Variants in TENM2 observed in about 807,000 individuals in gnomAD.
The protein encoded by TENM2 is teneurin-2.
In TENM2, 52 loss-of-function variants were observed where a neutral mutation model predicts 245.2. That is an observed-to-expected ratio of 0.21 (90% CI 0.17 to 0.27). The LOEUF is 0.27. Ranked by LOEUF, TENM2 falls within the 10% of genes least tolerant of loss-of-function variation. TENM2 has a pLI of 1.00. For missense variants in TENM2, 3,046 were observed against 3,666.8 expected (o/e 0.83, Z 4.37); for synonymous variants, 1,363 against 1,438.9 (o/e 0.95, Z 1.19).
chr5:168,243,240 T>C (rs1420954166), intron 25 of TENM2, among the ~76,000 whole-genome samples: 1 of 152,204 alleles, frequency 6.6e-6, no homozygotes, highest in Non-Finnish European at 1.5e-5. Flanking sequence ...CCCTCTCCTT[T>C]GCCCCTCACC....
chr5:167,249,306 G>T, the TENM2 span, among the ~76,000 whole-genome samples: 2 of 152,080 alleles, frequency 1.3e-5, no homozygotes, highest in Non-Finnish European at 2.9e-5. Context: ...TTCAGAAAAG[G>T]CTGCATATAA....
At chr5:167,671,414 A>G (rs1375926416) in intron 2 of TENM2, among the ~76,000 whole-genome samples, 2 of 152,142 alleles carry the variant, frequency 1.3e-5, no homozygotes, top group African/African-American at 4.8e-5. Context: ...TTTCTCGGGC[A>G]TAGCTGAAGT....
intron 1 of TENM2, among the ~76,000 whole-genome samples, chr5:167,321,568 C>T (rs1756723753): frequency 6.6e-6 from 1 of 152,072 alleles, no homozygotes; most frequent in Admixed American, 6.6e-5. Context: ...ACAACTTGCC[C>T]CTTGTTTCCA....
intron 1 of TENM2, among the ~76,000 whole-genome samples, chr5:167,361,266 A>AT (rs1232708490): frequency 1.3e-5 from 2 of 152,226 alleles, no homozygotes; most frequent in Admixed American, 6.5e-5. Context: ...ATCACTTGTA[A>AT]TTAACGAGTG....
intron 2 of TENM2, among the ~76,000 whole-genome samples, chr5:167,730,001 G>A (rs527292015): frequency 7.2e-5 from 11 of 152,202 alleles, no homozygotes; most frequent in South Asian, 2.1e-4. Flanking sequence ...GAATTATTGC[G>A]TCTCCTTGAT....
intron 2 of TENM2, among the ~76,000 whole-genome samples, chr5:167,438,522 G>T (rs1049476174): frequency 6.6e-6 from 1 of 151,996 alleles, no homozygotes; most frequent in Non-Finnish European, 1.5e-5. Flanking sequence ...CTCCCAAGTA[G>T]CTGGGACTAC....
chr5:167,970,541 A>T (rs1040381227), intron 4 of TENM2, among the ~76,000 whole-genome samples: 2 of 152,172 alleles, frequency 1.3e-5, no homozygotes, highest in African/African-American at 4.8e-5. Flanking sequence ...ACTTCGAAGA[A>T]CTTTTGGTTT....
the TENM2 span, among the ~76,000 whole-genome samples, chr5:167,031,796 C>T: frequency 1.8e-4 from 27 of 152,170 alleles, no homozygotes; most frequent in Admixed American, 5.9e-4. Context: ...AACTCCCGAG[C>T]TCAGGTGATC....
intron 1 of TENM2, among the ~76,000 whole-genome samples, chr5:167,311,679 C>T (rs982427593): frequency 1.3e-5 from 2 of 152,052 alleles, no homozygotes; most frequent in African/African-American, 4.8e-5. Flanking sequence ...CAGAATACAT[C>T]TGTATTTAAA....
chr5:167,232,508 G>T, the TENM2 span, among the ~76,000 whole-genome samples: 1 of 151,958 alleles, frequency 6.6e-6, no homozygotes, highest in South Asian at 2.1e-4. Flanking sequence ...GTGTAGCTGG[G>T]ATTACAGGCC....
intron 7 of TENM2, among the ~76,000 whole-genome samples, chr5:168,071,788 A>G (rs1316276160): frequency 1.3e-5 from 2 of 152,254 alleles, no homozygotes; most frequent in Non-Finnish European, 2.9e-5. Context: ...TATAATAACA[A>G]TAATAACCAT....
intron 2 of TENM2, among the ~76,000 whole-genome samples, chr5:167,455,139 C>T (rs1004997908): frequency 6.6e-6 from 1 of 152,146 alleles, no homozygotes; most frequent in African/African-American, 2.4e-5. Context: ...GCCATGCTTC[C>T]AAGTGTTGTG....
At chr5:167,357,606 G>A (rs1209195203) in intron 1 of TENM2, among the ~76,000 whole-genome samples, 1 of 152,000 alleles carries the variant, frequency 6.6e-6, no homozygotes, top group Non-Finnish European at 1.5e-5. Flanking sequence ...ATTTCAGATT[G>A]TCTTATTTTT....
chr5:167,904,341 A>G (rs1396851690), intron 3 of TENM2, among the ~76,000 whole-genome samples: 1 of 152,152 alleles, frequency 6.6e-6, no homozygotes, highest in Non-Finnish European at 1.5e-5. Context: ...CCTAGACTCT[A>G]TGTCTTGGTT....
intron 25 of TENM2, among the ~76,000 whole-genome samples, chr5:168,231,574 C>T (rs1451492030): frequency 6.6e-6 from 1 of 152,174 alleles, no homozygotes; most frequent in African/African-American, 2.4e-5. Flanking sequence ...ACTTCATTAG[C>T]AGAGTGATGT....
At chr5:168,109,730 T>G (rs1455101578) in intron 9 of TENM2, among the ~76,000 whole-genome samples, 2 of 152,216 alleles carry the variant, frequency 1.3e-5, no homozygotes, top group African/African-American at 4.8e-5. Flanking sequence ...AGTTTGAGTC[T>G]AGATAAATTG....
At chr5:167,551,859 A>G (rs987687811) in intron 2 of TENM2, among the ~76,000 whole-genome samples, 51 of 152,156 alleles carry the variant, frequency 3.4e-4, no homozygotes, top group African/African-American at 1.1e-3. Context: ...CAATCTCTGC[A>G]GTACTTGAAT....
chr5:167,574,586 A>T (rs1774515473), intron 2 of TENM2, among the ~76,000 whole-genome samples: 1 of 152,180 alleles, frequency 6.6e-6, no homozygotes, highest in South Asian at 2.1e-4. Flanking sequence ...ATAGAGATTA[A>T]GTGTTGTCCC....
chr5:168,015,087 T>G (rs1439509038), intron 5 of TENM2, among the ~76,000 whole-genome samples: 1 of 152,190 alleles, frequency 6.6e-6, no homozygotes, highest in Non-Finnish European at 1.5e-5. Context: ...AGTACTCTGC[T>G]ACCATCCTCC....
Sources: gnomAD v4.1 joint callset for allele counts (sites outside exome capture counted in the v4.1 genomes callset) on GRCh38, gnomAD v4.1.1 for gene constraint, MANE v1.5 for transcripts, NCBI Gene and HGNC (gene_info 2026-07-23, HGNC 2026-07-21) for gene names.